Variants in PDK1 observed in about 807,000 individuals in gnomAD.
PDK1 encodes pyruvate dehydrogenase kinase 1, also known as [Pyruvate dehydrogenase (acetyl-transferring)] kinase isozyme 1, mitochondrial.
In PDK1, 39 loss-of-function variants were observed where a neutral mutation model predicts 54.2. The ratio of observed to expected loss-of-function variants is 0.72; its 90% CI spans 0.56 to 0.94. PDK1 has a LOEUF of 0.94. Among genes scored for constraint, PDK1 ranks in the 40% least tolerant of loss-of-function variants. The pLI is 0.00. For missense variants in PDK1, 552 were observed against 566.0 expected (o/e 0.98, Z 0.25); for synonymous variants, 221 against 207.1 (o/e 1.07, Z -0.58).
chr2:172,572,848 A>G lies in PDK1; in HGVS notation c.945+2024A>G, dbSNP rs928586383. On this transcript the variant is annotated intron_variant, in intron 8 of 10. Transcript: ENST00000282077. ...GTATTTCTCTTTCTGGGCATTTTATATAAATTTAATCATGCAGTATGTGGT... is the reference window on the plus strand; with the variant it reads ...GTATTTCTCTTTCTGGGCATTTTATGTAAATTTAATCATGCAGTATGTGGT... 9.8e-5 allele frequency among the ~76,000 whole-genome samples: 15 copies of G among 152,340 alleles called. 1 individual carries two copies. Among genetic ancestry groups the G allele is most frequent in the African/African-American group, 3.6e-4 (15 of 41,574 alleles).
chr2:172,605,242 A>C lies in PDK1; in HGVS notation c.*9273A>C, dbSNP rs1487000100. ...ACCAAATACCATAATGCCTCCTTCT[A>C]TTCCACTATGAACAGTCAAGGACAC... On this transcript the variant is annotated 3_prime_UTR_variant, in exon 11 of 11. Coordinates refer to ENST00000282077, the MANE Select transcript of PDK1 (RefSeq NM_002610.5). 6.6e-6 allele frequency: 1 copy of C among 152,166 alleles called. No individual in the cohort carries two copies. The highest frequency in any genetic ancestry group is 2.4e-5 in the African/African-American group (1 of 41,420). 9.4% of individuals were successfully genotyped at this position (152,166 alleles called of 1,614,324 possible).
chr2:172,682,747 TA>T, the PDK1 span, among the ~76,000 whole-genome samples: 1 of 152,338 alleles, frequency 6.6e-6, no homozygotes, highest in South Asian at 2.1e-4. Context: ...AAATCTAGCC[TA>T]CCCTAACTAA....
At chr2:172,573,885 T>C (rs1179471536) in intron 8 of PDK1, among the ~76,000 whole-genome samples, 2 of 152,142 alleles carry the variant, frequency 1.3e-5, no homozygotes, top group East Asian at 1.9e-4. Flanking sequence ...CACCTTGGCC[T>C]CCCACAGTGC....
chr2:172,698,327 A>G, the PDK1 span, among the ~76,000 whole-genome samples: 2 of 152,192 alleles, frequency 1.3e-5, no homozygotes, highest in East Asian at 3.9e-4. Flanking sequence ...AAAATATAGC[A>G]TAAGTTTGGG....
chr2:172,642,638 TG>T, the PDK1 span, among the ~76,000 whole-genome samples: 1 of 152,234 alleles, frequency 6.6e-6, no homozygotes, highest in African/African-American at 2.4e-5. Flanking sequence ...GAGAATGAGC[TG>T]GGCCTAGTGT....
the PDK1 span, among the ~76,000 whole-genome samples, chr2:172,641,441 ATTTT>A: frequency 3.3e-5 from 4 of 119,580 alleles, no homozygotes; most frequent in Non-Finnish European, 5.4e-5. Context: ...TAACTTGTCC[ATTTT>A]TTTTTTTTTT....
At chr2:172,682,976 G>A in the PDK1 span, among the ~76,000 whole-genome samples, 1 of 152,166 alleles carries the variant, frequency 6.6e-6, no homozygotes, top group African/African-American at 2.4e-5. Context: ...TACCTTATAA[G>A]GCTGAGGAAG....
intron 8 of PDK1, among the ~76,000 whole-genome samples, chr2:172,577,295 C>T (rs1428583621): frequency 6.6e-6 from 1 of 152,024 alleles, no homozygotes; most frequent in Non-Finnish European, 1.5e-5. Context: ...CATAGTGTAA[C>T]TTTCCAGACT....
At chr2:172,709,044 CTCTT>C in the PDK1 span, among the ~76,000 whole-genome samples, 2 of 149,658 alleles carry the variant, frequency 1.3e-5, no homozygotes, top group East Asian at 1.9e-4. Flanking sequence ...CTCTCTCTCT[CTCTT>C]TTTTTTGTAG....
the PDK1 span, among the ~76,000 whole-genome samples, chr2:172,648,724 C>G: frequency 1.3e-5 from 2 of 152,342 alleles, no homozygotes; most frequent in Middle Eastern, 3.4e-3. Flanking sequence ...CCCATGGAGC[C>G]TCTCTCACTG....
chr2:172,659,294 T>G, the PDK1 span, among the ~76,000 whole-genome samples: 1 of 152,176 alleles, frequency 6.6e-6, no homozygotes, highest in Non-Finnish European at 1.5e-5. Context: ...AAATCTAATT[T>G]CACTAACCCT....
chr2:172,636,635 C>T, the PDK1 span, among the ~76,000 whole-genome samples: 1 of 151,484 alleles, frequency 6.6e-6, no homozygotes, highest in Non-Finnish European at 1.5e-5. Flanking sequence ...ACAGGAGAAT[C>T]GCTTGAACCT....
chr2:172,568,637 T>G, intron 6 of PDK1, 104 bp from the exon 7 acceptor site: 6 of 731,930 alleles, frequency 8.2e-6, no homozygotes, highest in Non-Finnish European at 1.5e-5. Flanking sequence ...GGTAATACTG[T>G]CCTCCGTAGT....
chr2:172,698,982 G>T, the PDK1 span, among the ~76,000 whole-genome samples: 1 of 152,160 alleles, frequency 6.6e-6, no homozygotes, highest in Non-Finnish European at 1.5e-5. Flanking sequence ...AGAGTGCCTT[G>T]ACTCAAAATC....
chr2:172,700,820 G>A, the PDK1 span, among the ~76,000 whole-genome samples: 2 of 152,160 alleles, frequency 1.3e-5, no homozygotes, highest in African/African-American at 2.4e-5. Context: ...TGGCCAACAC[G>A]GCAAAAACCC....
chr2:172,608,003 G>T lies in PDK1; in HGVS notation c.*12034G>T, dbSNP rs1159038261. On this transcript the variant is annotated 3_prime_UTR_variant, in exon 11 of 11. Transcript: ENST00000282077. ...TAGTGTGCAGTTTTTGTAGTAAAAG[G>T]TAAAAATCTGAATAATAAAGTTTAT... 2.0e-5 allele frequency: 3 copies of T among 152,140 alleles called. No homozygotes were observed. The highest frequency in any genetic ancestry group is 4.4e-5 in the Non-Finnish European group (3 of 68,024). The allele number at this position is 152,140 out of a possible 1,614,324, so 9.4% of individuals were successfully genotyped here. A position where few individuals can be genotyped will look rare whatever the true frequency, so the allele number is the denominator to read the frequency against.
At chr2:172,619,942 A>C in the PDK1 span, among the ~76,000 whole-genome samples, 4 of 152,192 alleles carry the variant, frequency 2.6e-5, no homozygotes, top group African/African-American at 9.6e-5. Context: ...AGGTGGGTGG[A>C]TCATTTGAGG....
At chr2:172,592,794 A>G (rs948514685) in intron 9 of PDK1, 141 bp from the exon 10 acceptor site, 23 of 428,510 alleles carry the variant, frequency 5.4e-5, no homozygotes, top group African/African-American at 4.5e-4. Context: ...TCAATGCTTA[A>G]ATATTAATTA....
the PDK1 span, among the ~76,000 whole-genome samples, chr2:172,649,550 G>T: frequency 6.6e-6 from 1 of 152,014 alleles, no homozygotes; most frequent in Non-Finnish European, 1.5e-5. Context: ...AGCTAAAGGA[G>T]GATGTTCGAA....
Sources: gnomAD v4.1 joint callset for allele counts (sites outside exome capture counted in the v4.1 genomes callset) on GRCh38, gnomAD v4.1.1 for gene constraint, MANE v1.5 for transcripts, NCBI Gene and HGNC (gene_info 2026-07-23, HGNC 2026-07-21) for gene names.